Variants in SSBP3 observed in about 807,000 individuals in gnomAD.
SSBP3 encodes single stranded DNA binding protein 3, also known as single-stranded DNA-binding protein 3.
In SSBP3, 5 loss-of-function variants were observed where a neutral mutation model predicts 69.6. That is an observed-to-expected ratio of 0.07 (90% CI 0.04 to 0.15). The LOEUF (loss-of-function observed/expected upper bound fraction) is 0.15. Ranked by LOEUF, SSBP3 falls within the 10% of genes least tolerant of loss-of-function variation. The probability of loss-of-function intolerance (pLI) is 1.00; values close to 1 mark genes in which losing one functional copy is unlikely to be tolerated. For missense variants in SSBP3, 312 were observed against 534.0 expected, an observed-to-expected ratio of 0.58 and a Z score of 4.10; for synonymous variants, 196 against 193.4, an observed-to-expected ratio of 1.01 and a Z score of -0.11.
In SSBP3 at chr1:54,294,047, G is replaced by C. The variant is rs1027414127; in HGVS notation, c.277-12520C>G. ...CCCAGCTACTCGGGAGGCTGAAGTG[G>C]GAGAATCCCTTGAACCCAGGAGGCG... On this transcript the variant is annotated intron_variant, in intron 4 of 17. Transcript: ENST00000610401. Among the ~76,000 whole-genome samples, 6 of 148,156 alleles carry C rather than the reference G, an allele frequency of 4.0e-5. No homozygotes were observed. The East Asian group carries it at 1.3e-3, about 31-fold the overall frequency.
chr1:54,294,753 C>T (rs1323814320), intron 4 of SSBP3, among the ~76,000 whole-genome samples: 1 of 152,150 alleles, frequency 6.6e-6, no homozygotes, highest in Non-Finnish European at 1.5e-5. Flanking sequence ...GGTTGGATTC[C>T]CTGGCCTCTC....
At chr1:54,381,406 A>AG (rs1553148449) in intron 4 of SSBP3, among the ~76,000 whole-genome samples, 12 of 146,500 alleles carry the variant, frequency 8.2e-5, no homozygotes, top group South Asian at 2.2e-4. Context: ...AAAAAAAAAA[A>AG]AGAGAGAGAG....
chr1:54,258,010 C>G lies in SSBP3; in HGVS notation c.447+59G>C. 1 of 1,500,966 alleles carries G rather than the reference C, an allele frequency of 6.7e-7. No homozygotes were observed. The highest frequency in any genetic ancestry group is 9.0e-7 in the Non-Finnish European group (1 of 1,109,220). The allele number at this position is 1,500,966 out of a possible 1,614,324, so 93.0% of individuals were successfully genotyped here. On this transcript the variant is annotated intron_variant, in intron 6 of 17. Coordinates refer to ENST00000610401, the Ensembl canonical transcript of SSBP3. The surrounding 1 kb of genome is among the most constrained non-coding windows in gnomAD (Gnocchi z 4.5). The stretch of plus-strand genomic sequence containing the variant: ...TTGATTTTTGTTTTTCCTCTGCGGG[C>G]TCTCTGCTTCCTCCGCGCCCCGCGT...
intron 14 of SSBP3, among the ~76,000 whole-genome samples, chr1:54,233,950 C>T (rs1347109105): frequency 2.2e-4 from 33 of 152,306 alleles, no homozygotes; most frequent in Non-Finnish European, 4.4e-4. Flanking sequence ...GGATGGTTGC[C>T]GTGTCTGTGT....
intron 7 of SSBP3, among the ~76,000 whole-genome samples, chr1:54,252,615 T>G (rs1049544282): frequency 6.6e-6 from 1 of 152,120 alleles, no homozygotes; most frequent in African/African-American, 2.4e-5. Flanking sequence ...CCATCGGCGG[T>G]GCTGGTGTGG....
At chr1:54,271,048 G>A (rs918655658) in intron 5 of SSBP3, among the ~76,000 whole-genome samples, 62 of 152,286 alleles carry the variant, frequency 4.1e-4, no homozygotes, top group Non-Finnish European at 1.8e-4. Context: ...TGGTCAACAC[G>A]GATCCTGAAG....
chr1:54,268,677 A>C (rs755788086), intron 5 of SSBP3, among the ~76,000 whole-genome samples: 1 of 152,190 alleles, frequency 6.6e-6, no homozygotes, highest in Non-Finnish European at 1.5e-5. Context: ...GTAGTTTTTC[A>C]TGCCTTTTCC....
At chr1:54,303,310 T>C (rs932355510) in intron 4 of SSBP3, among the ~76,000 whole-genome samples, 6 of 151,918 alleles carry the variant, frequency 3.9e-5, no homozygotes, top group Admixed American at 6.5e-5. Flanking sequence ...ATGATCCCTT[T>C]TGACACTTCT....
chr1:54,281,488 G>A, exon 5 of SSBP3: 2 of 1,571,394 alleles, frequency 1.3e-6, no homozygotes, highest in Non-Finnish European at 1.7e-6. Flanking sequence ...TCGTTGGGGG[G>A]AATGTTGCCA....
chr1:54,345,574 G>A (rs1234580229), intron 4 of SSBP3, among the ~76,000 whole-genome samples: 2 of 152,202 alleles, frequency 1.3e-5, no homozygotes, highest in African/African-American at 4.8e-5. Flanking sequence ...CCTCTCTGAA[G>A]TGCTTGCATG....
At chr1:54,266,104 T>G (rs1032250752) in intron 5 of SSBP3, among the ~76,000 whole-genome samples, 6 of 152,248 alleles carry the variant, frequency 3.9e-5, no homozygotes, top group Non-Finnish European at 8.8e-5. Flanking sequence ...ACACACTGCT[T>G]GCCAGCGCCT....
intron 1 of SSBP3, among the ~76,000 whole-genome samples, chr1:54,412,483 C>T (rs753458100): frequency 1.3e-5 from 2 of 152,130 alleles, no homozygotes; most frequent in Non-Finnish European, 2.9e-5. Context: ...TATGAAGTAC[C>T]TAGAATAGTC....
intron 4 of SSBP3, among the ~76,000 whole-genome samples, chr1:54,346,268 T>C (rs945998376): frequency 2.0e-5 from 3 of 150,488 alleles, no homozygotes; most frequent in African/African-American, 4.9e-5. Flanking sequence ...GAAGTTGCAG[T>C]GAGCCTAGAT....
At chr1:54,313,742 C>T (rs1269311107) in intron 4 of SSBP3, among the ~76,000 whole-genome samples, 2 of 151,794 alleles carry the variant, frequency 1.3e-5, no homozygotes, top group African/African-American at 2.4e-5. Flanking sequence ...ATTAGGGCAG[C>T]TGGTAAGGAG....
At position 54,240,911 on chromosome 1, in the gene SSBP3, G is replaced by T. The variant is rs770811844; in HGVS notation, c.850C>A (p.Pro284Thr). 8 of 1,612,750 alleles carry T rather than the reference G, an allele frequency of 5.0e-6. No individual in the cohort carries two copies. In the South Asian group the frequency reaches 8.8e-5, roughly 18 times the overall value. Residue 284 changes from proline (P) to threonine (T), a missense_variant, in exon 13 of 18, where the codon CCC becomes ACC. By Grantham distance (38) the Pro-to-Thr change is conservative. Coordinates refer to ENST00000610401, the Ensembl canonical transcript of SSBP3. ...TCCCCTCAAGCGCTCTTACCTGCGGGACTGGGCATAATGGGTGTTCCTGGA... is the reference window on the plus strand; with the variant it reads ...TCCCCTCAAGCGCTCTTACCTGCGGTACTGGGCATAATGGGTGTTCCTGGA...
chr1:54,318,132 G>A (rs757707160), intron 4 of SSBP3, among the ~76,000 whole-genome samples: 2 of 152,100 alleles, frequency 1.3e-5, no homozygotes, highest in African/African-American at 2.4e-5. Flanking sequence ...AGGAGAGGTG[G>A]GTAAAGACTT....
intron 4 of SSBP3, among the ~76,000 whole-genome samples, chr1:54,369,779 A>C (rs1647096399): frequency 6.6e-6 from 1 of 152,018 alleles, no homozygotes; most frequent in South Asian, 2.1e-4. Flanking sequence ...ACTCAGACTC[A>C]CCAACCAGTC....
rs149530540 is a variant in SSBP3 at position 54,307,109 on chromosome 1, C to G, written c.277-25582G>C. Among the ~76,000 whole-genome samples, 460 of 152,316 alleles carry G rather than the reference C, an allele frequency of 3.0e-3. 3 individuals carry two copies. The highest frequency in any genetic ancestry group is 0.01 in the African/African-American group (424 of 41,568). ...CTGGGCACCCTAAAATCCCATTACTCAGTCAGACTGTGCTCCCTCTACTTC... is the reference window on the plus strand; with the variant it reads ...CTGGGCACCCTAAAATCCCATTACTGAGTCAGACTGTGCTCCCTCTACTTC... On this transcript the variant is annotated intron_variant, in intron 4 of 17. Coordinates refer to ENST00000610401, the Ensembl canonical transcript of SSBP3.
chr1:54,300,705 C>T (rs1166445260), intron 4 of SSBP3, among the ~76,000 whole-genome samples: 2 of 152,200 alleles, frequency 1.3e-5, no homozygotes, highest in Non-Finnish European at 2.9e-5. Flanking sequence ...AGAACATAGA[C>T]TCTGAGAGGG....
Sources: allele counts gnomAD v4.1 joint callset (sites outside exome capture counted in the v4.1 genomes callset), GRCh38; gene constraint gnomAD v4.1.1; non-coding constraint Gnocchi (gnomAD v3.1); transcripts MANE v1.5; gene names NCBI Gene and HGNC (gene_info 2026-07-23, HGNC 2026-07-21).